Variants in MSH3 observed in about 807,000 individuals in gnomAD.
MSH3 encodes mutS homolog 3, also known as DNA mismatch repair protein Msh3.
In MSH3, 106 loss-of-function variants were observed where a neutral mutation model predicts 123.3. That is an observed-to-expected ratio of 0.86 (90% CI 0.73 to 1.01). MSH3 has a LOEUF of 1.01. Ranked by LOEUF, MSH3 falls within the 50% of genes least tolerant of loss-of-function variation. The probability of loss-of-function intolerance (pLI) is 0.00; values close to 1 mark genes in which losing one functional copy is unlikely to be tolerated. For missense variants in MSH3, 1,459 were observed against 1,347.6 expected, an observed-to-expected ratio of 1.08 and a Z score of -1.29; for synonymous variants, 515 against 481.4, an observed-to-expected ratio of 1.07 and a Z score of -0.91.
intron 8 of MSH3, among the ~76,000 whole-genome samples, chr5:80,716,122 GA>G (rs1750956018): frequency 1.3e-5 from 2 of 152,200 alleles, no homozygotes; most frequent in Non-Finnish European, 2.9e-5. Context: ...CATTCACTAT[GA>G]GCCATAAGAG....
chr5:80,671,945 A>G (rs1006592387), intron 4 of MSH3, among the ~76,000 whole-genome samples: 3 of 152,128 alleles, frequency 2.0e-5, no homozygotes, highest in Non-Finnish European at 4.4e-5. Context: ...TCTGTATTGG[A>G]TAGTCTTTGT....
rs754475791 is a variant in MSH3 at position 80,672,235 on chromosome 5, A to AT, written c.793-3dup. On this transcript the variant is annotated splice_polypyrimidine_tract_variant and intron_variant, in intron 4 of 23. Coordinates refer to ENST00000265081, the MANE Select transcript of MSH3 (RefSeq NM_002439.5). Reference sequence around the variant, plus strand: ...AAATTTATTGATATTTTCTTTTTTCATTTTTTAGATTGCAGCCCGAGAGCT... The same window carrying AT: ...AAATTTATTGATATTTTCTTTTTTCATTTTTTTAGATTGCAGCCCGAGAGCT... 6.3e-7 allele frequency: 1 copy of AT among 1,591,070 alleles called. No homozygotes were observed. Among genetic ancestry groups the AT allele is most frequent in the Non-Finnish European group, 8.6e-7 (1 of 1,159,996 alleles).
intron 20 of MSH3, among the ~76,000 whole-genome samples, chr5:80,827,363 G>A (rs1226029386): frequency 6.6e-6 from 1 of 152,182 alleles, no homozygotes. Flanking sequence ...AGAGTGGCAC[G>A]AGTGTGTTTT....
At chr5:80,663,882 CTT>C (rs1367638522) in intron 2 of MSH3, among the ~76,000 whole-genome samples, 1 of 152,100 alleles carries the variant, frequency 6.6e-6, no homozygotes, top group Admixed American at 6.5e-5. Flanking sequence ...CAATTTTAAA[CTT>C]TTAGAAATGA....
At chr5:80,841,083 G>A (rs1174937668) in intron 20 of MSH3, among the ~76,000 whole-genome samples, 2 of 151,660 alleles carry the variant, frequency 1.3e-5, no homozygotes, top group African/African-American at 4.8e-5. Context: ...AGACCCCGGT[G>A]TGTGATGTTC....
chr5:80,733,998 C>A (rs1432440058), intron 10 of MSH3, among the ~76,000 whole-genome samples: 1 of 152,110 alleles, frequency 6.6e-6, no homozygotes, highest in African/African-American at 2.4e-5. Context: ...AAAACTTATA[C>A]AAATGTTCAT....
intron 4 of MSH3, among the ~76,000 whole-genome samples, chr5:80,671,545 T>G (rs1288772971): frequency 6.6e-6 from 1 of 152,200 alleles, no homozygotes. Flanking sequence ...GGAGAGAAAC[T>G]GTCTAGGTTA....
Position 80,761,610 on chromosome 5 carries a change from C to A in MSH3, c.1828C>A (p.Gln610Lys). The change falls in exon 13 of 24, where the codon CAG becomes AAG. Residue 610 changes from glutamine (Q) to lysine (K), a missense_variant. Coordinates refer to ENST00000265081, the MANE Select transcript of MSH3 (RefSeq NM_002439.5). ...VLHSESSVFGQIENHLRKLPD... is the reference protein window; with the variant it reads ...VLHSESSVFGKIENHLRKLPD... ...CCATTCAGAATCTAGTGTGTTTGGT[C>A]AGATAGAAAATCATCTACGTAAATT... The A allele has an allele frequency of 6.2e-7, 1 of 1,613,908 alleles. No homozygotes were observed. The highest frequency in any genetic ancestry group is 1.1e-5 in the South Asian group (1 of 91,058).
At chr5:80,844,329 A>G (rs1745679240) in intron 20 of MSH3, among the ~76,000 whole-genome samples, 1 of 152,114 alleles carries the variant, frequency 6.6e-6, no homozygotes, top group African/African-American at 2.4e-5. Flanking sequence ...TTATGTGGTC[A>G]ATTTTAGAAT....
chr5:80,672,324 T>G lies in MSH3; in HGVS notation c.873T>G (p.Phe291Leu), dbSNP rs574407749. Residue 291 changes from phenylalanine to leucine, a missense_variant, in exon 5 of 24, where the codon TTT becomes TTG. Transcript: ENST00000265081. The stretch of plus-strand genomic sequence containing the variant: ...CAAGTATACCTACTCACAGACTGTT[T>G]GTTCATGTACGCCGCCTGGTGGCAA... ...MTASIPTHRL[F>L]VHVRRLVAKG... The G allele has an allele frequency of 6.2e-7, 1 of 1,614,054 alleles. No individual in the cohort carries two copies. Among genetic ancestry groups the G allele is most frequent in the Non-Finnish European group, 8.5e-7 (1 of 1,179,904 alleles).
At chr5:80,710,289 C>T (rs1363902272) in intron 8 of MSH3, among the ~76,000 whole-genome samples, 2 of 152,160 alleles carry the variant, frequency 1.3e-5, no homozygotes, top group African/African-American at 4.8e-5. Context: ...TACAGACTTC[C>T]TGGCTCTAAA....
chr5:80,654,821 GGAAGCCT>G lies in MSH3; in HGVS notation c.98_104del (p.Ser33AsnfsTer45). On this transcript the variant is annotated frameshift_variant, in exon 1 of 24. Transcript: ENST00000265081. LOFTEE classifies it high-confidence loss of function. ...TTTGAGCCGATTCTTCCAGTCTACG[GGAAGCCT>G]GAAATCCACCTCCTCCTCCACAGGT... The G allele has an allele frequency of 6.2e-7, 1 of 1,606,208 alleles. No individual in the cohort carries two copies. The highest frequency in any genetic ancestry group is 1.1e-5 in the South Asian group (1 of 90,534).
intron 10 of MSH3, among the ~76,000 whole-genome samples, chr5:80,733,487 A>G (rs1379861042): frequency 6.6e-6 from 1 of 152,252 alleles, no homozygotes; most frequent in Admixed American, 6.5e-5. Context: ...GACTTCATCA[A>G]AGTAAAAGCT....
intron 12 of MSH3, among the ~76,000 whole-genome samples, chr5:80,755,041 T>A (rs1347982403): frequency 6.6e-6 from 1 of 152,184 alleles, no homozygotes; most frequent in Non-Finnish European, 1.5e-5. Context: ...GCAGTGACTC[T>A]GGTTTACTCA....
intron 13 of MSH3, among the ~76,000 whole-genome samples, chr5:80,763,138 C>T (rs1219981129): frequency 2.6e-5 from 4 of 152,184 alleles, no homozygotes; most frequent in African/African-American, 9.7e-5. Flanking sequence ...TGAGCCACTG[C>T]GCCCAGCCAA....
intron 17 of MSH3, among the ~76,000 whole-genome samples, chr5:80,781,928 C>T (rs1020159787): frequency 3.3e-5 from 5 of 152,038 alleles, no homozygotes; most frequent in Non-Finnish European, 5.9e-5. Flanking sequence ...GTAAATATAA[C>T]ATCATAGAAG....
At chr5:80,747,904 A>G (rs1205839011) in intron 12 of MSH3, among the ~76,000 whole-genome samples, 1 of 152,210 alleles carries the variant, frequency 6.6e-6, no homozygotes, top group Non-Finnish European at 1.5e-5. Context: ...CCACAGAATG[A>G]CAAAATTGTC....
At chr5:80,827,892 T>A (rs1326772208) in intron 20 of MSH3, among the ~76,000 whole-genome samples, 2 of 152,066 alleles carry the variant, frequency 1.3e-5, no homozygotes, top group East Asian at 1.9e-4. Context: ...ACTATTTTTT[T>A]AAAAAAGACT....
At chr5:80,824,482 G>A (rs1745259860) in intron 20 of MSH3, among the ~76,000 whole-genome samples, 1 of 152,190 alleles carries the variant, frequency 6.6e-6, no homozygotes, top group African/African-American at 2.4e-5. Flanking sequence ...GTTGGACTGG[G>A]GCATGGTCTG....
Sources: gnomAD v4.1 joint callset for allele counts (sites outside exome capture counted in the v4.1 genomes callset) on GRCh38, gnomAD v4.1.1 for gene constraint, MANE v1.5 for transcripts, NCBI Gene and HGNC (gene_info 2026-07-23, HGNC 2026-07-21) for gene names.